The following CAMSAP1 variants were observed in gnomAD, a reference collection of about 807,000 sequenced individuals.
The protein encoded by CAMSAP1 is calmodulin-regulated spectrin-associated protein 1.
A neutral mutation model predicts 143.5 loss-of-function variants in CAMSAP1; 58 were observed. The observed-to-expected ratio is 0.40, with a 90% confidence interval of 0.33 to 0.50. CAMSAP1 has a LOEUF of 0.50. Among genes scored for constraint, CAMSAP1 ranks in the 20% least tolerant of loss-of-function variants. The pLI is 0.45. For synonymous variants in CAMSAP1, 945 were observed against 859.3 expected (o/e 1.10, Z -1.74); for missense variants, 1,969 against 2,115.7 (o/e 0.93, Z 1.36).
At chr9:135,883,829 A>G (rs1838035742) in intron 1 of CAMSAP1, among the ~76,000 whole-genome samples, 2 of 152,246 alleles carry the variant, frequency 1.3e-5, no homozygotes, top group African/African-American at 4.8e-5. Flanking sequence ...GCTCAAGGCC[A>G]CAGGAGGCAG....
chr9:135,892,081 G>A (rs1838306717), intron 1 of CAMSAP1, among the ~76,000 whole-genome samples: 1 of 152,154 alleles, frequency 6.6e-6, no homozygotes, highest in Non-Finnish European at 1.5e-5. Flanking sequence ...AGAAAAGGTT[G>A]ATGCAAAAAA....
At chr9:135,835,243 C>CCA (rs1464661279) in intron 7 of CAMSAP1, among the ~76,000 whole-genome samples, 9 of 152,138 alleles carry the variant, frequency 5.9e-5, no homozygotes, top group African/African-American at 2.2e-4. Flanking sequence ...CCTCCCGCCC[C>CCA]CACACACACA....
rs542258999 is a variant in CAMSAP1 at position 135,881,610 on chromosome 9, C to G, written c.585+23G>C. 3.2e-6 allele frequency: 5 copies of G among 1,551,124 alleles called. No homozygotes were observed. The Admixed American group carries it at 9.8e-5, about 30-fold the overall frequency. The stretch of plus-strand genomic sequence containing the variant: ...CCGGCCACAGAAGCAGAGTCACACA[C>G]CACATCTAGGCAGGGCACTCACCTT... On this transcript the variant is annotated intron_variant, in intron 3 of 16. Coordinates refer to ENST00000389532, the MANE Select transcript of CAMSAP1 (RefSeq NM_015447.4).
chr9:135,834,437 T>C (rs1404382534), intron 7 of CAMSAP1, among the ~76,000 whole-genome samples: 4 of 152,154 alleles, frequency 2.6e-5, no homozygotes, highest in African/African-American at 7.2e-5. Flanking sequence ...AATTGTGATA[T>C]ACAGAGACAT....
chr9:135,822,278 AG>A lies in CAMSAP1; in HGVS notation c.2382del (p.Cys795AlafsTer2). 6.2e-7 allele frequency: 1 copy of A among 1,613,996 alleles called. No homozygotes were observed. The highest frequency in any genetic ancestry group is 8.5e-7 in the Non-Finnish European group (1 of 1,179,892). ...CTCATCTGAGAGGCTGTGCTCAGGC[AG>A]GGGCTCGAGCGGCCGCTGGCGTCAT... ...DKDDASGRSS[P>X]CLSTASQMSS... is the part of the protein sequence containing the mutation. On this transcript the variant is annotated frameshift_variant, in exon 11 of 17. Coordinates refer to ENST00000389532, the MANE Select transcript of CAMSAP1 (RefSeq NM_015447.4). LOFTEE classifies it high-confidence loss of function. This position sits in a 1 kb window ranked among gnomAD's most constrained non-coding sequence, Gnocchi z 6.1.
intron 5 of CAMSAP1, among the ~76,000 whole-genome samples, chr9:135,857,131 G>A (rs1293846234): frequency 1.3e-5 from 2 of 152,178 alleles, no homozygotes; most frequent in Non-Finnish European, 2.9e-5. Context: ...CTTTGCCATG[G>A]CCCTTCTTCA....
chr9:135,865,210 G>A (rs1010107895), intron 4 of CAMSAP1: 2 of 929,064 alleles, frequency 2.2e-6, no homozygotes, highest in African/African-American at 1.6e-5. Flanking sequence ...TAACTCCAAG[G>A]TGGGACATTT....
intron 4 of CAMSAP1, among the ~76,000 whole-genome samples, chr9:135,864,283 C>T (rs1837298520): frequency 6.6e-6 from 1 of 152,182 alleles, no homozygotes; most frequent in Non-Finnish European, 1.5e-5. Context: ...ATATTTAGCT[C>T]TTCAGTCTTC....
chr9:135,866,633 A>G (rs1278496875), intron 3 of CAMSAP1, 97 bp from the exon 4 acceptor site: 5 of 671,976 alleles, frequency 7.4e-6, no homozygotes, highest in African/African-American at 7.2e-5. Context: ...CACCTGATTC[A>G]CCTCTGACTC....
intron 16 of CAMSAP1, among the ~76,000 whole-genome samples, chr9:135,813,012 G>A (rs936479764): frequency 2.0e-5 from 3 of 151,950 alleles, no homozygotes; most frequent in Non-Finnish European, 2.9e-5. Flanking sequence ...CTGTCGCCGC[G>A]TTTGTTGATT....
intron 8 of CAMSAP1, among the ~76,000 whole-genome samples, chr9:135,825,930 TC>T (rs1230818268): frequency 6.6e-6 from 1 of 151,958 alleles, no homozygotes; most frequent in African/African-American, 2.4e-5. Flanking sequence ...AGAGAGGGGC[TC>T]AAGGCAGGGA....
In CAMSAP1 at chr9:135,882,957, G is replaced by C. The variant is rs755989478; in HGVS notation, c.282C>G (p.Leu94=). Reference sequence around the variant, plus strand: ...CGGCCACCTGGTCCCCTTTCAGGATGAGGCTGCAGACACGGCAGTACAGCT... The same window carrying C: ...CGGCCACCTGGTCCCCTTTCAGGATCAGGCTGCAGACACGGCAGTACAGCT... The part of the protein sequence containing the change: ...SSELYCRVCS[L]ILKGDQVAAL... Residue 94 remains leucine, a synonymous_variant, in exon 2 of 17, where the codon CTC becomes CTG. Transcript: ENST00000389532. The surrounding 1 kb of genome is among the most constrained non-coding windows in gnomAD (Gnocchi z 4.9). 6.4e-7 allele frequency: 1 copy of C among 1,551,672 alleles called. No individual in the cohort carries two copies. Among genetic ancestry groups the C allele is most frequent in the Admixed American group, 2.0e-5 (1 of 50,994 alleles).
intron 7 of CAMSAP1, among the ~76,000 whole-genome samples, chr9:135,848,572 A>C (rs1311397423): frequency 6.6e-6 from 1 of 151,408 alleles, no homozygotes; most frequent in Non-Finnish European, 1.5e-5. Context: ...CCCCCTGGAA[A>C]ACACAGTGGA....
intron 7 of CAMSAP1, among the ~76,000 whole-genome samples, chr9:135,842,969 A>C (rs984241447): frequency 6.6e-6 from 1 of 152,248 alleles, no homozygotes; most frequent in Non-Finnish European, 1.5e-5. Flanking sequence ...TCATAATGAC[A>C]GGATCAAATT....
At chr9:135,841,740 C>G (rs752173334) in intron 7 of CAMSAP1, among the ~76,000 whole-genome samples, 1 of 152,232 alleles carries the variant, frequency 6.6e-6, no homozygotes, top group Non-Finnish European at 1.5e-5. Flanking sequence ...CAAACTCCAG[C>G]AGACCTGCAG....
chr9:135,822,413 G>A lies in CAMSAP1; in HGVS notation c.2248C>T (p.His750Tyr). ...SDVVDIEEAEHDFMGEAHPVV... is the reference protein window; with the variant it reads ...SDVVDIEEAEYDFMGEAHPVV... Reference sequence around the variant, plus strand: ...GGATGGGCCTCACCCATGAAATCGTGCTCGGCTTCCTCTATGTCCACCACA... The same window carrying A: ...GGATGGGCCTCACCCATGAAATCGTACTCGGCTTCCTCTATGTCCACCACA... The change falls in exon 11 of 17, where the codon CAC becomes TAC. Residue 750 changes from histidine to tyrosine, a missense_variant. His to Tyr is a moderately conservative substitution (Grantham distance 83, BLOSUM62 2). Around this residue, in one of 4 missense-constraint regions of CAMSAP1, gnomAD observed 1,390 missense variants for 1,420.8 expected, o/e 0.98. Coordinates refer to ENST00000389532, the MANE Select transcript of CAMSAP1 (RefSeq NM_015447.4). The surrounding 1 kb of genome is among the most constrained non-coding windows in gnomAD (Gnocchi z 6.1). 6.2e-7 allele frequency: 1 copy of A among 1,614,006 alleles called. No homozygotes were observed. Among genetic ancestry groups the A allele is most frequent in the Non-Finnish European group, 8.5e-7 (1 of 1,179,898 alleles).
chr9:135,897,386 T>A lies in CAMSAP1; in HGVS notation c.160+9614A>T, dbSNP rs112367277. ...CCAGGCTGGTCTCAAACTCCTAGAC[T>A]CAAGCTATCCTCCTACCTCAGCTTC... is the stretch of plus-strand genomic sequence containing the variant. On this transcript the variant is annotated intron_variant, in intron 1 of 16. Transcript: ENST00000389532. Among the ~76,000 whole-genome samples the A allele has an allele frequency of 3.5e-3, 539 of 152,182 alleles. 2 individuals carry two copies. The highest frequency in any genetic ancestry group is 6.2e-3 in the Non-Finnish European group (419 of 68,010).
In CAMSAP1 at chr9:135,907,448, G is replaced by T. The variant is rs1052242810; in HGVS notation, c.-289C>A. ...GGGGCGGGGGCGGGCGCGGGGGCGG[G>T]AGCGGGCCGGGGGCGGTGGCAGCGC... On this transcript the variant is annotated 5_prime_UTR_variant, in exon 1 of 17. Coordinates refer to ENST00000389532, the MANE Select transcript of CAMSAP1 (RefSeq NM_015447.4). Among the ~76,000 whole-genome samples, 25 of 146,152 alleles carry T rather than the reference G, an allele frequency of 1.7e-4. No individual in the cohort carries two copies. The highest frequency in any genetic ancestry group is 3.3e-4 in the Non-Finnish European group (22 of 65,726).
rs1258628370 is a variant in CAMSAP1, at chr9:135,810,340, GC to G, written c.*968del. The G allele has an allele frequency of 6.6e-6, 1 of 152,242 alleles. No homozygotes were observed. Among genetic ancestry groups the G allele is most frequent in the Non-Finnish European group, 1.5e-5 (1 of 68,042 alleles). The allele number at this position is 152,242 out of a possible 1,614,324, so 9.4% of individuals were successfully genotyped here. On this transcript the variant is annotated 3_prime_UTR_variant, in exon 17 of 17. Coordinates refer to ENST00000389532, the MANE Select transcript of CAMSAP1 (RefSeq NM_015447.4). ...CAGATGCAGAATCCAGACAGGACAA[GC>G]CGTGACCTAACAAAACCACTGAAGG...
Sources: allele counts gnomAD v4.1 joint callset (sites outside exome capture counted in the v4.1 genomes callset), GRCh38; gene constraint gnomAD v4.1.1; regional missense constraint gnomAD v4.1.1; non-coding constraint Gnocchi (gnomAD v3.1); transcripts MANE v1.5; gene names NCBI Gene and HGNC (gene_info 2026-07-23, HGNC 2026-07-21).